The following SLC11A2 variants were observed in gnomAD, a reference collection of about 807,000 sequenced individuals.
The protein encoded by SLC11A2 is natural resistance-associated macrophage protein 2.
In SLC11A2, 38 loss-of-function variants were observed where a neutral mutation model predicts 68.0. The observed-to-expected ratio is 0.56, with a 90% CI of 0.43 to 0.73. The LOEUF is 0.73. SLC11A2 is among the 30% of genes least tolerant of loss of function. SLC11A2 has a pLI of 0.00. For missense variants in SLC11A2, 517 were observed against 690.5 expected (o/e 0.75, Z 2.82); for synonymous variants, 242 against 250.6 (o/e 0.97, Z 0.32).
chr12:50,999,913 C>T (rs148014097), intron 6 of SLC11A2, among the ~76,000 whole-genome samples: 7 of 152,084 alleles, frequency 4.6e-5, no homozygotes, highest in Non-Finnish European at 7.4e-5. Flanking sequence ...GAGACTGAGG[C>T]ACAAGAATTG....
chr12:50,993,338 G>A (rs1449808792), intron 11 of SLC11A2, among the ~76,000 whole-genome samples: 1 of 152,104 alleles, frequency 6.6e-6, no homozygotes, highest in Non-Finnish European at 1.5e-5. Flanking sequence ...TACTGTTGGA[G>A]GATCACAATG....
At chr12:51,012,783 T>C in intron 1 of SLC11A2, among the ~76,000 whole-genome samples, 1 of 152,186 alleles carries the variant, frequency 6.6e-6, no homozygotes, top group East Asian at 1.9e-4. Flanking sequence ...AACGGACAAC[T>C]AGCCATGTGT....
rs759359452 is a variant in SLC11A2, at chr12:50,988,369, T to C, written c.1642A>G (p.Lys548Glu). ...GTGGCTTCTTCTGTCAGCAGGCCTT[T>C]AGAGATGCTTACCGTATGCCCACAG... ...LDCGHTVSIS[K>E]GLLTEEATRG... is the part of the protein sequence containing the mutation. The change falls in exon 16 of 16, where the codon AAA becomes GAA. Residue 548 changes from lysine (K) to glutamate (E), a missense_variant. Coordinates refer to ENST00000262052, the MANE Select transcript of SLC11A2 (RefSeq NM_000617.3). 4 of 1,613,948 alleles carry C rather than the reference T, an allele frequency of 2.5e-6. No individual in the cohort carries two copies. In the African/African-American group the frequency reaches 5.3e-5, roughly 22 times the overall value.
the SLC11A2 span, among the ~76,000 whole-genome samples, chr12:50,968,168 T>C: frequency 6.6e-6 from 1 of 152,022 alleles, no homozygotes; most frequent in East Asian, 1.9e-4. Context: ...TACAGAGATA[T>C]GACCTTAAAA....
At position 51,005,621 on chromosome 12, in the gene SLC11A2, C is replaced by A. The variant is rs796694737; in HGVS notation, c.184-185G>T. The A allele has an allele frequency of 3.5e-6, 5 of 1,419,436 alleles. No homozygotes were observed. In the African/African-American group the frequency reaches 7.1e-5, roughly 20 times the overall value. The allele number at this position is 1,419,436 out of a possible 1,614,324, so 87.9% of individuals were successfully genotyped here. ...CCACTTTTTATTAAGAAGCTGGCCA[C>A]TTCTCTGTCCAAGTCAAAGCTCTTC... On this transcript the variant is annotated intron_variant, in intron 3 of 15. Transcript: ENST00000262052.
At position 50,987,651 on chromosome 12, in the gene SLC11A2, T is replaced by C; in HGVS notation, c.*674A>G. 1 of 1,287,186 alleles carries C rather than the reference T, an allele frequency of 7.8e-7. No homozygotes were observed. The highest frequency in any genetic ancestry group is 1.0e-6 in the Non-Finnish European group (1 of 988,688). 79.7% of individuals were successfully genotyped at this position (1,287,186 alleles called of 1,614,324 possible). ...CTGAGGAAAATCCTGAGAAGGTAAT[T>C]AGTAAGCACCACCTAGCGATGTGGT... On this transcript the variant is annotated 3_prime_UTR_variant, in exon 16 of 16. Coordinates refer to ENST00000262052, the MANE Select transcript of SLC11A2 (RefSeq NM_000617.3).
At position 50,987,323 on chromosome 12, in the gene SLC11A2, T is replaced by A. The variant is rs1049425900; in HGVS notation, c.*1002A>T. On this transcript the variant is annotated 3_prime_UTR_variant, in exon 16 of 16. Coordinates refer to ENST00000262052, the MANE Select transcript of SLC11A2 (RefSeq NM_000617.3). ...TAAGTCCACAGCTCCTGAGATTGCC[T>A]CGCAAGTCATCTTGGGCATGAAGCA... 1 of 1,287,086 alleles carries A rather than the reference T, an allele frequency of 7.8e-7. No homozygotes were observed. Among genetic ancestry groups the A allele is most frequent in the Non-Finnish European group, 1.0e-6 (1 of 988,700 alleles). The allele number at this position is 1,287,086 out of a possible 1,614,324, so 79.7% of individuals were successfully genotyped here.
At chr12:51,000,459 C>G in intron 5 of SLC11A2, 40 bp from the exon 6 acceptor site, 1 of 1,490,472 alleles carries the variant, frequency 6.7e-7, no homozygotes. Flanking sequence ...TCTGATTAAT[C>G]ATTTCTAAAA....
chr12:50,981,978 T>C (rs1032863955), downstream of SLC11A2, among the ~76,000 whole-genome samples: 10 of 152,236 alleles, frequency 6.6e-5, no homozygotes, highest in African/African-American at 2.2e-4. Context: ...GCTTCTGATA[T>C]GCAAAATAAC....
At chr12:50,960,608 T>C in the SLC11A2 span, among the ~76,000 whole-genome samples, 1 of 152,184 alleles carries the variant, frequency 6.6e-6, no homozygotes, top group Non-Finnish European at 1.5e-5. Context: ...ATCTTTCAGG[T>C]TCTTATCCTG....
At chr12:50,996,796 G>C in intron 9 of SLC11A2, 21 bp downstream of exon 9, 1 of 1,613,018 alleles carries the variant, frequency 6.2e-7, no homozygotes, top group South Asian at 1.1e-5. Flanking sequence ...AGGAGGTGAA[G>C]GAGATAAGGG....
chr12:50,993,579 A>C (rs1484975040), intron 11 of SLC11A2, among the ~76,000 whole-genome samples: 4 of 150,484 alleles, frequency 2.7e-5, no homozygotes, highest in African/African-American at 9.7e-5. Flanking sequence ...TAATCCCAGC[A>C]CTTTGGGAGG....
chr12:51,007,813 G>T (rs543930126), intron 3 of SLC11A2, among the ~76,000 whole-genome samples: 158 of 152,092 alleles, frequency 1.0e-3, no homozygotes, highest in South Asian at 3.5e-3. Context: ...GCTAATTTTT[G>T]TATTTTTTGT....
chr12:50,990,017 T>C (rs780055686), intron 15 of SLC11A2, among the ~76,000 whole-genome samples: 3 of 152,044 alleles, frequency 2.0e-5, no homozygotes, highest in African/African-American at 4.8e-5. Context: ...ATTTGGAAAA[T>C]AGAGAAGAAT....
At chr12:50,998,180 A>T (rs1418955293) in intron 8 of SLC11A2, among the ~76,000 whole-genome samples, 2 of 151,474 alleles carry the variant, frequency 1.3e-5, no homozygotes, top group East Asian at 3.9e-4. Context: ...CAACATAGAG[A>T]AACCCCATCT....
At chr12:50,952,924 G>C in the SLC11A2 span, among the ~76,000 whole-genome samples, 3 of 152,108 alleles carry the variant, frequency 2.0e-5, no homozygotes, top group African/African-American at 7.2e-5. Context: ...AGACTCAACA[G>C]TCACAGAGGG....
chr12:51,021,510 C>G (rs1040017847), intron 1 of SLC11A2, among the ~76,000 whole-genome samples: 1 of 151,988 alleles, frequency 6.6e-6, no homozygotes, highest in East Asian at 1.9e-4. Context: ...GCCTGTAATC[C>G]CAGCTACTTG....
intron 8 of SLC11A2, among the ~76,000 whole-genome samples, chr12:50,998,666 T>C (rs1032209855): frequency 6.6e-6 from 1 of 152,118 alleles, no homozygotes; most frequent in Non-Finnish European, 1.5e-5. Flanking sequence ...CAAAGAAAGG[T>C]GCTAGTACTG....
At chr12:50,973,796 G>A in the SLC11A2 span, among the ~76,000 whole-genome samples, 5 of 152,176 alleles carry the variant, frequency 3.3e-5, no homozygotes, top group African/African-American at 1.2e-4. Context: ...GTCCTTAAAG[G>A]ACCTGATGGA....
Sources: allele counts gnomAD v4.1 joint callset (sites outside exome capture counted in the v4.1 genomes callset), GRCh38; gene constraint gnomAD v4.1.1; transcripts MANE v1.5; gene names NCBI Gene and HGNC (gene_info 2026-07-23, HGNC 2026-07-21).